The following DCT variants were observed in gnomAD, a reference collection of about 807,000 sequenced individuals.
DCT encodes L-dopachrome tautomerase.
Under a neutral mutation model 53.0 loss-of-function variants are expected in DCT, and 47 were observed. The observed-to-expected ratio is 0.89, with a 90% CI of 0.70 to 1.13. The LOEUF (loss-of-function observed/expected upper bound fraction) is 1.13, where lower values mean the gene tolerates loss of function less well. Ranked by LOEUF, DCT falls within the 50% of genes most tolerant of loss-of-function variation. The pLI is 0.00. For missense variants in DCT, 669 were observed against 637.4 expected (o/e 1.05, Z -0.53); for synonymous variants, 244 against 237.0 (o/e 1.03, Z -0.27).
intron 4 of DCT, among the ~76,000 whole-genome samples, chr13:94,462,425 A>C (rs1301865268): frequency 6.6e-6 from 1 of 151,782 alleles, no homozygotes; most frequent in Non-Finnish European, 1.5e-5. Context: ...GCTTGAACCC[A>C]GGAGACAGAG....
chr13:94,443,077 T>C (rs9516414), intron 7 of DCT, among the ~76,000 whole-genome samples: 116,183 of 152,114 alleles, frequency 0.76, 45,450 homozygotes, highest in Non-Finnish European at 0.82. Flanking sequence ...GGCTAGTTCA[T>C]TTTTATTTCA....
chr13:94,476,325 C>T (rs1885083624), intron 1 of DCT, among the ~76,000 whole-genome samples: 1 of 150,748 alleles, frequency 6.6e-6, no homozygotes, highest in East Asian at 2.0e-4. Context: ...CTACCTAAAA[C>T]AAAACAAAAC....
intron 6 of DCT, chr13:94,445,556 C>A: frequency 1.6e-6 from 1 of 606,256 alleles, no homozygotes. Context: ...CTAGAACTGC[C>A]TAGTCAAGCC....
chr13:94,513,786 A>C, the DCT span, among the ~76,000 whole-genome samples: 1 of 152,012 alleles, frequency 6.6e-6, no homozygotes, highest in Non-Finnish European at 1.5e-5. Flanking sequence ...CAGAAGTTCG[A>C]GACTAGCCTG....
At chr13:94,477,536 T>A (rs1244164364) in intron 1 of DCT, among the ~76,000 whole-genome samples, 1 of 152,194 alleles carries the variant, frequency 6.6e-6, no homozygotes, top group Non-Finnish European at 1.5e-5. Flanking sequence ...ACCCACTGGG[T>A]GCTTCGCACA....
the DCT span, among the ~76,000 whole-genome samples, chr13:94,537,633 G>GAA: frequency 6.7e-6 from 1 of 149,574 alleles, no homozygotes; most frequent in African/African-American, 2.5e-5. Flanking sequence ...ATGCAAGTGA[G>GAA]AAAAAAAAAC....
At chr13:94,547,980 A>ATATATATATATATATATAT in the DCT span, among the ~76,000 whole-genome samples, 1 of 99,190 alleles carries the variant, frequency 1.0e-5, no homozygotes, top group African/African-American at 7.8e-5. Flanking sequence ...AAAAAAAAAA[A>ATATATATATATATATATAT]AAAAATATAT....
In DCT at chr13:94,466,448, T is replaced by C. The variant is rs942048183; in HGVS notation, c.696+110A>G. ...TTTACTTTAGTGCACTAATCACTTA[T>C]CTTGTATGAGTATCAAGATAAGTAT... On this transcript the variant is annotated intron_variant, in intron 3 of 7. Transcript: ENST00000377028. 515 of 618,134 alleles carry C rather than the reference T, an allele frequency of 8.3e-4. 4 individuals are homozygous for C. Among genetic ancestry groups the C allele is most frequent in the Non-Finnish European group, 4.6e-4 (166 of 361,246 alleles). 38.3% of individuals were successfully genotyped at this position (618,134 alleles called of 1,614,324 possible).
At chr13:94,548,684 G>A in the DCT span, among the ~76,000 whole-genome samples, 2 of 151,736 alleles carry the variant, frequency 1.3e-5, no homozygotes, top group Non-Finnish European at 2.9e-5. Context: ...GGAAGCTGAT[G>A]CCCCTGAGTA....
At chr13:94,519,048 C>T in the DCT span, among the ~76,000 whole-genome samples, 1 of 152,074 alleles carries the variant, frequency 6.6e-6, no homozygotes, top group African/African-American at 2.4e-5. Context: ...CTCCGCCTAA[C>T]CTGGTTATTT....
upstream of DCT, among the ~76,000 whole-genome samples, chr13:94,479,949 G>A (rs1056818826): frequency 6.6e-6 from 1 of 152,118 alleles, no homozygotes; most frequent in Admixed American, 6.6e-5. Flanking sequence ...TAGATGCAGT[G>A]AGCTCTTCGT....
In DCT at chr13:94,443,534, C is replaced by G; in HGVS notation, c.1283G>C (p.Arg428Pro). 6.2e-7 allele frequency: 1 copy of G among 1,613,866 alleles called. No individual in the cohort carries two copies. The highest frequency in any genetic ancestry group is 8.5e-7 in the Non-Finnish European group (1 of 1,179,836). Residue 428 changes from arginine to proline, a missense_variant, in exon 7 of 8, where the codon CGG (arginine) becomes CCG (proline). Physicochemically the swap from Arg to Pro is moderately radical, Grantham distance 103. Coordinates refer to ENST00000377028, the MANE Select transcript of DCT (RefSeq NM_001922.5). Reference sequence around the variant, plus strand: ...GAAGAAAGGAACCATGTTGTACATCCGATTGTGACCAATAGGGGCCAGCTC... The same window carrying G: ...GAAGAAAGGAACCATGTTGTACATCGGATTGTGACCAATAGGGGCCAGCTC... Reference protein sequence around the residue: ...PQELAPIGHNRMYNMVPFFPP... With the variant: ...PQELAPIGHNPMYNMVPFFPP...
rs769559628 is a variant in DCT, at chr13:94,461,980, G to C, written c.1043+30C>G. The C allele has an allele frequency of 3.1e-6, 5 of 1,599,086 alleles. No individual in the cohort carries two copies. In the South Asian group the frequency reaches 4.4e-5, roughly 14 times the overall value. On this transcript the variant is annotated intron_variant, in intron 5 of 7. Transcript: ENST00000377028. The stretch of plus-strand genomic sequence containing the variant: ...CAGGCATGAAAACCTGTACTGTACA[G>C]GCAGGTCCAGCAGAGCTCAGAGCAC...
the DCT span, among the ~76,000 whole-genome samples, chr13:94,487,794 AT>A: frequency 2.6e-5 from 4 of 151,706 alleles, no homozygotes; most frequent in African/African-American, 7.3e-5. Flanking sequence ...AAAAGAGATT[AT>A]TTTTTTCCCT....
In DCT at chr13:94,444,979, G is replaced by A. The variant is rs538720992; in HGVS notation, c.1180-1342C>T. Among the ~76,000 whole-genome samples the A allele has an allele frequency of 8.5e-5, 13 of 152,314 alleles. No homozygotes were observed. The East Asian group carries it at 2.5e-3, about 29-fold the overall frequency. ...ACTAACTATGTGTTTGCTGATGACAGTGTCATGCAGACACTTTGCATACAG... is the reference window on the plus strand; with the variant it reads ...ACTAACTATGTGTTTGCTGATGACAATGTCATGCAGACACTTTGCATACAG... On this transcript the variant is annotated intron_variant, in intron 6 of 7. Coordinates refer to ENST00000377028, the MANE Select transcript of DCT (RefSeq NM_001922.5).
the DCT span, among the ~76,000 whole-genome samples, chr13:94,535,133 CCTTA>C: frequency 6.6e-6 from 1 of 152,202 alleles, no homozygotes; most frequent in African/African-American, 2.4e-5. Flanking sequence ...AAATATCTGG[CCTTA>C]CTTGAGAAAT....
At chr13:94,455,930 G>C (rs966111873) in intron 6 of DCT, among the ~76,000 whole-genome samples, 1 of 152,158 alleles carries the variant, frequency 6.6e-6, no homozygotes, top group African/African-American at 2.4e-5. Flanking sequence ...AGTTGACAAT[G>C]TATGCTTTAA....
At chr13:94,500,143 T>G in the DCT span, among the ~76,000 whole-genome samples, 1 of 152,110 alleles carries the variant, frequency 6.6e-6, no homozygotes, top group Non-Finnish European at 1.5e-5. Flanking sequence ...GCTTTTACCC[T>G]TTCATCAACA....
At chr13:94,457,305 A>T (rs531408110) in intron 6 of DCT, among the ~76,000 whole-genome samples, 4 of 152,328 alleles carry the variant, frequency 2.6e-5, no homozygotes, top group Admixed American at 2.6e-4. Flanking sequence ...AGGTTTAATG[A>T]GGTCAGAACC....
Sources: allele counts gnomAD v4.1 joint callset (sites outside exome capture counted in the v4.1 genomes callset), GRCh38; gene constraint gnomAD v4.1.1; transcripts MANE v1.5; gene names NCBI Gene and HGNC (gene_info 2026-07-23, HGNC 2026-07-21).